Variants in CLVS1 observed in about 807,000 individuals in gnomAD.
CLVS1 encodes clavesin-1.
CLVS1 carries 10 observed loss-of-function variants against 33.1 expected under a neutral mutation model. That is an observed-to-expected ratio of 0.30 (90% CI 0.19 to 0.51). The LOEUF (loss-of-function observed/expected upper bound fraction) is 0.51, where lower values mean the gene tolerates loss of function less well. Ranked by LOEUF, CLVS1 falls within the 20% of genes least tolerant of loss-of-function variation. The pLI, the probability that CLVS1 is intolerant of heterozygous loss-of-function variation, is 0.97. For synonymous variants in CLVS1, 163 were observed against 166.1 expected, an observed-to-expected ratio of 0.98 and a Z score of 0.14; for missense variants, 343 against 433.4, an observed-to-expected ratio of 0.79 and a Z score of 1.85.
In CLVS1 at chr8:61,275,690, C is replaced by T. The variant is rs928013406; in HGVS notation, c.-151-23987C>T. ...CACAGGCTAAATTTATTGCTCATTT[C>T]GCGCAATGAAGAAAACAACCAATAA... On this transcript the variant is annotated intron_variant, in intron 2 of 2. Coordinates refer to the CLVS1 transcript ENST00000522621. Among the ~76,000 whole-genome samples the T allele has an allele frequency of 2.6e-4, 39 of 152,230 alleles. 1 individual carries two copies. Among genetic ancestry groups the T allele is most frequent in the African/African-American group, 8.4e-4 (35 of 41,554 alleles).
chr8:61,451,770 C>G (rs1439238762), intron 3 of CLVS1, among the ~76,000 whole-genome samples: 1 of 151,454 alleles, frequency 6.6e-6, no homozygotes, highest in African/African-American at 2.4e-5. Flanking sequence ...TGCTGATTTT[C>G]CCTTCCCTCA....
chr8:61,206,883 G>C (rs1032298785), intron 2 of CLVS1, among the ~76,000 whole-genome samples: 23 of 152,190 alleles, frequency 1.5e-4, no homozygotes, highest in African/African-American at 5.5e-4. Flanking sequence ...CAGTGCGCCC[G>C]GCATCTATCC....
intron 2 of CLVS1, among the ~76,000 whole-genome samples, chr8:61,266,792 C>T (rs1809314946): frequency 6.6e-6 from 1 of 152,152 alleles, no homozygotes; most frequent in Admixed American, 6.5e-5. Context: ...TTTTATTTGA[C>T]AGTCCCCAGT....
At chr8:61,486,530 A>T (rs1356801789) in intron 5 of CLVS1, among the ~76,000 whole-genome samples, 1 of 152,222 alleles carries the variant, frequency 6.6e-6, no homozygotes, top group Non-Finnish European at 1.5e-5. Context: ...GAATCTCAAT[A>T]ATCCTTCACG....
At position 61,428,096 on chromosome 8, in the gene CLVS1, A is replaced by C. The variant is rs868292705; in HGVS notation, c.631-26045A>C. On this transcript the variant is annotated intron_variant, in intron 3 of 5. Transcript: ENST00000325897. ...GGAGATAAAGCTCTATGACAAAGGGATGAATGTTTCATGATGCATTTGCCA... is the reference window on the plus strand; with the variant it reads ...GGAGATAAAGCTCTATGACAAAGGGCTGAATGTTTCATGATGCATTTGCCA... Among the ~76,000 whole-genome samples the C allele has an allele frequency of 2.6e-5, 4 of 152,252 alleles. No homozygotes were observed. The South Asian group carries it at 8.3e-4, about 31-fold the overall frequency.
At chr8:61,277,509 T>C (rs937532632) in intron 2 of CLVS1, among the ~76,000 whole-genome samples, 3 of 152,158 alleles carry the variant, frequency 2.0e-5, no homozygotes, top group African/African-American at 7.2e-5. Flanking sequence ...GGATGGTCTA[T>C]GGGTGAGTAT....
At chr8:61,359,203 G>A (rs913705402) in intron 2 of CLVS1, among the ~76,000 whole-genome samples, 13 of 152,112 alleles carry the variant, frequency 8.5e-5, no homozygotes, top group Admixed American at 8.5e-4. Flanking sequence ...AAAGAGTTAG[G>A]TTCCTGTAAC....
intron 5 of CLVS1, among the ~76,000 whole-genome samples, chr8:61,490,787 C>T (rs144833344): frequency 0.087 from 13,216 of 151,538 alleles, 662 homozygotes; most frequent in Non-Finnish European, 0.12. Flanking sequence ...GGTGAAACCC[C>T]GTCTCTACTA....
intron 2 of CLVS1, among the ~76,000 whole-genome samples, chr8:61,176,795 A>C (rs754946118): frequency 1.3e-5 from 2 of 152,144 alleles, no homozygotes; most frequent in Non-Finnish European, 2.9e-5. Context: ...CAGCCTGGGA[A>C]ACCGTGCCTT....
chr8:61,212,814 G>A (rs1316406856), intron 2 of CLVS1, among the ~76,000 whole-genome samples: 2 of 152,194 alleles, frequency 1.3e-5, no homozygotes, highest in Non-Finnish European at 2.9e-5. Context: ...AGATGAAGCA[G>A]GTGGGGCAGG....
At chr8:61,475,226 T>C (rs1474348327) in intron 5 of CLVS1, among the ~76,000 whole-genome samples, 1 of 152,254 alleles carries the variant, frequency 6.6e-6, no homozygotes, top group Admixed American at 6.5e-5. Context: ...TTCCAAGTCT[T>C]TGCTATTGTG....
rs150161928 is a variant in CLVS1, at chr8:61,081,924, C to T, written c.-243+24694C>T. 2.0e-3 allele frequency among the ~76,000 whole-genome samples: 309 copies of T among 152,286 alleles called. 2 individuals are homozygous for T. The highest frequency in any genetic ancestry group is 6.9e-3 in the African/African-American group (285 of 41,554). On this transcript the variant is annotated intron_variant, in intron 1 of 2. Transcript: ENST00000522621. The stretch of plus-strand genomic sequence containing the variant: ...CCATTCAGCTTTCAATAAAAAATTA[C>T]AAGTCATACTAAACGACAAAAGCAC...
intron 2 of CLVS1, among the ~76,000 whole-genome samples, chr8:61,137,668 T>G (rs1339026648): frequency 6.6e-6 from 1 of 152,176 alleles, no homozygotes; most frequent in East Asian, 1.9e-4. Flanking sequence ...GTCTTCAGAA[T>G]TACTTTCCTT....
intron 2 of CLVS1, among the ~76,000 whole-genome samples, chr8:61,307,406 G>A (rs965213915): frequency 6.6e-6 from 1 of 152,096 alleles, no homozygotes; most frequent in Non-Finnish European, 1.5e-5. Context: ...AGAAGGCCAA[G>A]GATCCAGGAG....
chr8:61,367,380 C>G (rs568205347), intron 2 of CLVS1, among the ~76,000 whole-genome samples: 50 of 152,324 alleles, frequency 3.3e-4, no homozygotes, highest in Middle Eastern at 6.8e-3. Flanking sequence ...TGTCTACACG[C>G]TAAGCTCTTA....
intron 5 of CLVS1, among the ~76,000 whole-genome samples, chr8:61,482,188 C>T (rs1019623523): frequency 6.6e-6 from 1 of 152,164 alleles, no homozygotes; most frequent in Non-Finnish European, 1.5e-5. Context: ...ACACCAAAAC[C>T]CCATCTGTAC....
intron 2 of CLVS1, among the ~76,000 whole-genome samples, chr8:61,192,786 C>T (rs1807520362): frequency 6.6e-6 from 1 of 152,118 alleles, no homozygotes; most frequent in Admixed American, 6.6e-5. Flanking sequence ...TCATCACTGG[C>T]CATCAGAGAA....
chr8:61,116,159 G>A (rs1458313767), intron 1 of CLVS1, among the ~76,000 whole-genome samples: 1 of 152,038 alleles, frequency 6.6e-6, no homozygotes, highest in South Asian at 2.1e-4. Flanking sequence ...GTTTTTGGCT[G>A]CATAAATGTC....
intron 2 of CLVS1, among the ~76,000 whole-genome samples, chr8:61,232,037 T>TGTTTG (rs1219197483): frequency 1.2e-4 from 14 of 116,058 alleles, no homozygotes; most frequent in African/African-American, 6.2e-4. Flanking sequence ...TTTTTTTTTT[T>TGTTTG]TTTTTTTTTT....
Sources: allele counts gnomAD v4.1 joint callset (sites outside exome capture counted in the v4.1 genomes callset), GRCh38; gene constraint gnomAD v4.1.1; transcripts MANE v1.5; gene names NCBI Gene and HGNC (gene_info 2026-07-23, HGNC 2026-07-21).